The following WDR37 variants were observed in gnomAD, a reference collection of about 807,000 sequenced individuals.
The protein encoded by WDR37 is WD repeat domain 37.
Under a neutral mutation model 62.9 loss-of-function variants are expected in WDR37, and 19 were observed. That is an observed-to-expected ratio of 0.30 (90% CI 0.21 to 0.44). WDR37 has a LOEUF of 0.44. Ranked by LOEUF, WDR37 falls within the 20% of genes least tolerant of loss-of-function variation. The pLI, the probability that WDR37 is intolerant of heterozygous loss-of-function variation, is 1.00. For missense variants in WDR37, 474 were observed against 657.6 expected (o/e 0.72, Z 3.05); for synonymous variants, 250 against 260.9 (o/e 0.96, Z 0.40).
chr10:1,070,826 A>C (rs536015236), intron 1 of WDR37, among the ~76,000 whole-genome samples: 7 of 152,244 alleles, frequency 4.6e-5, no homozygotes, highest in Non-Finnish European at 1.0e-4. Context: ...AACGCTAGTG[A>C]TTTTAAAATA....
intron 13 of WDR37, among the ~76,000 whole-genome samples, chr10:1,127,728 G>C (rs185272873): frequency 2.0e-5 from 3 of 152,094 alleles, no homozygotes; most frequent in Non-Finnish European, 4.4e-5. Flanking sequence ...GGAGGCTCAC[G>C]GAGTGTGAGG....
intron 1 of WDR37, among the ~76,000 whole-genome samples, chr10:1,066,639 TAAAAC>T (rs968099630): frequency 1.2e-4 from 18 of 152,296 alleles, no homozygotes; most frequent in African/African-American, 3.6e-4. Flanking sequence ...CTAGAATAGA[TAAAAC>T]AAAATGGAGA....
intron 7 of WDR37, among the ~76,000 whole-genome samples, chr10:1,089,577 C>CAA (rs1266950945): frequency 6.6e-6 from 1 of 152,120 alleles, no homozygotes; most frequent in African/African-American, 2.4e-5. Flanking sequence ...CCGTTCTTCA[C>CAA]GCAGGTTAAT....
chr10:1,115,041 T>G (rs34365843), intron 11 of WDR37, among the ~76,000 whole-genome samples: 2,788 of 152,056 alleles, frequency 0.018, 34 homozygotes, highest in Non-Finnish European at 0.027. Context: ...TTTTTTTTTT[T>G]TTGTTGTTGT....
In WDR37 at chr10:1,105,310, A is replaced by T. The variant is rs1175676787; in HGVS notation, c.1103+43A>T. 3 of 1,581,742 alleles carry T rather than the reference A, an allele frequency of 1.9e-6. No individual in the cohort carries two copies. In the East Asian group the frequency reaches 6.9e-5, roughly 36 times the overall value. Reference sequence around the variant, plus strand: ...AGACATCTGTCCTTAGTCATGAAAAAGTTCTGTGGGTTGACATGAAAACTT... The same window carrying T: ...AGACATCTGTCCTTAGTCATGAAAATGTTCTGTGGGTTGACATGAAAACTT... On this transcript the variant is annotated intron_variant, in intron 11 of 13. Transcript: ENST00000263150. This position sits in a 1 kb window ranked among gnomAD's most constrained non-coding sequence, Gnocchi z 5.3.
chr10:1,067,760 G>A (rs1476356325), intron 1 of WDR37, among the ~76,000 whole-genome samples: 1 of 152,162 alleles, frequency 6.6e-6, no homozygotes, highest in Admixed American at 6.5e-5. Flanking sequence ...AGGGATGCCT[G>A]CACTTGCAGG....
At chr10:1,110,172 G>A (rs1183569118) in intron 11 of WDR37, among the ~76,000 whole-genome samples, 1 of 152,192 alleles carries the variant, frequency 6.6e-6, no homozygotes, top group African/African-American at 2.4e-5. Flanking sequence ...CTGTGTCGGG[G>A]CGAGTCCGCT....
In WDR37 at chr10:1,105,065, A is replaced by G; in HGVS notation, c.962-61A>G. On this transcript the variant is annotated intron_variant, in intron 10 of 13. Coordinates refer to ENST00000263150, the MANE Select transcript of WDR37 (RefSeq NM_014023.4). The surrounding 1 kb of genome is among the most constrained non-coding windows in gnomAD (Gnocchi z 5.3). ...CTTCTTGGGTTCTTGTGCTGTTGAA[A>G]AGCGTCTCTCTCAGCGTGCTCCTCA... 6.3e-7 allele frequency: 1 copy of G among 1,590,246 alleles called. No individual in the cohort carries two copies. The highest frequency in any genetic ancestry group is 8.6e-7 in the Non-Finnish European group (1 of 1,162,210).
At chr10:1,072,318 TATTG>T (rs1266544530) in intron 2 of WDR37, 25 bp downstream of exon 2, 6 of 1,605,486 alleles carry the variant, frequency 3.7e-6, no homozygotes, top group African/African-American at 1.3e-5. Flanking sequence ...ATTAGGGCCT[TATTG>T]ATTGATTGAT....
intron 1 of WDR37, among the ~76,000 whole-genome samples, chr10:1,069,089 G>T (rs1415869733): frequency 6.6e-6 from 1 of 152,042 alleles, no homozygotes; most frequent in Non-Finnish European, 1.5e-5. Context: ...GTGGGGCTTC[G>T]TTTTGGGGTG....
At chr10:1,106,387 C>A (rs1175172929) in intron 11 of WDR37, among the ~76,000 whole-genome samples, 2 of 152,138 alleles carry the variant, frequency 1.3e-5, no homozygotes, top group Non-Finnish European at 2.9e-5. Flanking sequence ...AAGCAGTGTG[C>A]ATTGAAAGGT....
At chr10:1,071,430 G>C (rs950084207) in intron 1 of WDR37, among the ~76,000 whole-genome samples, 1 of 152,194 alleles carries the variant, frequency 6.6e-6, no homozygotes, top group African/African-American at 2.4e-5. Flanking sequence ...AGTAAGTAAC[G>C]TAGTGATATA....
chr10:1,064,276 GA>G (rs1228133689), intron 1 of WDR37, among the ~76,000 whole-genome samples: 1 of 151,988 alleles, frequency 6.6e-6, no homozygotes, highest in East Asian at 1.9e-4. Flanking sequence ...AAATAGACTG[GA>G]AAAAAGTGAG....
intron 11 of WDR37, among the ~76,000 whole-genome samples, chr10:1,115,108 T>G (rs1392062096): frequency 6.6e-6 from 1 of 151,942 alleles, no homozygotes; most frequent in Non-Finnish European, 1.5e-5. Flanking sequence ...CCATTAAGCC[T>G]CCTCTGTGGG....
intron 2 of WDR37, among the ~76,000 whole-genome samples, chr10:1,076,407 C>T (rs922131013): frequency 6.6e-5 from 10 of 152,018 alleles, no homozygotes; most frequent in East Asian, 1.9e-4. Flanking sequence ...CGGCCACGCG[C>T]GGTGGCTCAT....
chr10:1,125,528 G>A (rs1835712604), intron 13 of WDR37, among the ~76,000 whole-genome samples: 2 of 152,202 alleles, frequency 1.3e-5, no homozygotes, highest in South Asian at 4.1e-4. Flanking sequence ...TTAATACCAT[G>A]ATCGGCTTTT....
Position 1,129,539 on chromosome 10 carries a change from T to C in WDR37, c.*195T>C. 1 of 829,810 alleles carries C rather than the reference T, an allele frequency of 1.2e-6. No individual in the cohort carries two copies. The highest frequency in any genetic ancestry group is 1.7e-5 in the African/African-American group (1 of 58,008). The allele number at this position is 829,810 out of a possible 1,614,324, so 51.4% of individuals were successfully genotyped here. ...TGTGGTCGTATTTTTTACTTTTGTC[T>C]TGTATATGTATGTATATTGGGTCCT... On this transcript the variant is annotated 3_prime_UTR_variant, in exon 14 of 14. Transcript: ENST00000263150.
chr10:1,120,967 C>T (rs749627634), intron 11 of WDR37, among the ~76,000 whole-genome samples: 1 of 152,178 alleles, frequency 6.6e-6, no homozygotes, highest in Non-Finnish European at 1.5e-5. Context: ...CAGTGGTGTG[C>T]GGCGAGGAGG....
At position 1,115,030 on chromosome 10, in the gene WDR37, GT is replaced by G. The variant is rs199799863; in HGVS notation, c.1104-9175del. On this transcript the variant is annotated intron_variant, in intron 11 of 13. Transcript: ENST00000263150. ...CCTCCCCTCCCCATCTCCCTTTTTT[GT>G]TTTTTTTTTTTTGTTGTTGTTATTT... is the stretch of plus-strand genomic sequence containing the variant. Among the ~76,000 whole-genome samples the G allele has an allele frequency of 2.5e-3, 358 of 142,468 alleles. 1 individual carries two copies. Among genetic ancestry groups the G allele is most frequent in the African/African-American group, 7.4e-3 (289 of 38,850 alleles). 93.5% of individuals were successfully genotyped at this position (142,468 alleles called of 152,430 possible).
Sources: allele counts gnomAD v4.1 joint callset (sites outside exome capture counted in the v4.1 genomes callset), GRCh38; gene constraint gnomAD v4.1.1; non-coding constraint Gnocchi (gnomAD v3.1); transcripts MANE v1.5; gene names NCBI Gene and HGNC (gene_info 2026-07-23, HGNC 2026-07-21).